Variants in REV3L observed in about 807,000 individuals in gnomAD.
REV3L encodes REV3 like, DNA directed polymerase zeta catalytic subunit.
In REV3L, 69 loss-of-function variants were observed where a neutral mutation model predicts 299.4. That is an observed-to-expected ratio of 0.23 (90% CI 0.19 to 0.28). The LOEUF is 0.28. REV3L is among the 10% of genes least tolerant of loss of function. REV3L has a pLI of 1.00. For synonymous variants in REV3L, 1,238 were observed against 1,271.4 expected (o/e 0.97, Z 0.56); for missense variants, 3,128 against 3,693.8 (o/e 0.85, Z 3.97).
intron 4 of REV3L, among the ~76,000 whole-genome samples, chr6:111,404,647 T>C (rs1783434435): frequency 1.3e-5 from 2 of 152,210 alleles, no homozygotes; most frequent in Admixed American, 1.3e-4. Flanking sequence ...GTAAAAAATC[T>C]GGGATCTCCT....
In REV3L at chr6:111,373,956, T is replaced by C. The variant is rs1395449660; in HGVS notation, c.4399A>G (p.Ile1467Val). 12 of 1,614,144 alleles carry C rather than the reference T, an allele frequency of 7.4e-6. No homozygotes were observed. Among genetic ancestry groups the C allele is most frequent in the Non-Finnish European group, 1.0e-5 (12 of 1,179,990 alleles). ...NCFVTSLRSP[I>V]KQIAWEQKQR... ...TTTTGCTCCCATGCTATTTGTTTGA[T>C]TGGACTTCTCAAGGAAGTTACAAAG... The change falls in exon 13 of 32, where the codon ATC becomes GTC. Residue 1467 changes from isoleucine (I) to valine (V), a missense_variant. Coordinates refer to ENST00000368802, the MANE Select transcript of REV3L (RefSeq NM_001372078.1).
chr6:111,361,112 G>A (rs1471093495), intron 16 of REV3L, among the ~76,000 whole-genome samples: 3 of 151,766 alleles, frequency 2.0e-5, no homozygotes, highest in African/African-American at 2.4e-5. Flanking sequence ...GGCCGGGCAC[G>A]GTGGCTTATG....
chr6:111,317,922 T>C (rs1773706806), intron 26 of REV3L, among the ~76,000 whole-genome samples: 1 of 152,198 alleles, frequency 6.6e-6, no homozygotes, highest in Non-Finnish European at 1.5e-5. Flanking sequence ...AACTGGTTGG[T>C]TTCCATTGTT....
intron 1 of REV3L, among the ~76,000 whole-genome samples, chr6:111,465,174 G>A (rs1352364062): frequency 8.4e-5 from 12 of 143,224 alleles, no homozygotes; most frequent in Non-Finnish European, 1.7e-4. Context: ...TCTGCCTCCC[G>A]GGTTCAAGTG....
intron 11 of REV3L, among the ~76,000 whole-genome samples, chr6:111,378,584 T>C (rs1424133352): frequency 1.3e-5 from 2 of 152,196 alleles, no homozygotes; most frequent in Admixed American, 6.5e-5. Context: ...TTAACGAACC[T>C]GACACAATCT....
intron 1 of REV3L, among the ~76,000 whole-genome samples, chr6:111,479,104 C>T (rs1001272669): frequency 6.6e-6 from 1 of 152,170 alleles, no homozygotes; most frequent in Non-Finnish European, 1.5e-5. Context: ...CTTCCCAAGT[C>T]CACCTCAGTC....
Position 111,365,302 on chromosome 6 carries a change from G to C in REV3L, c.6716C>G (p.Thr2239Ser), listed in dbSNP as rs746987974. ...QKLSNKKGSN[T>S]DTLRRVLLTQ... is the part of the protein sequence containing the mutation. ...TAACAGTACTCTTCTAAGAGTGTCAGTATTACTTCCTTTCTTATTACTCAA... is the reference window on the plus strand; with the variant it reads ...TAACAGTACTCTTCTAAGAGTGTCACTATTACTTCCTTTCTTATTACTCAA... Residue 2239 changes from threonine (T) to serine (S), a missense_variant, in exon 15 of 32, where the codon ACT becomes AGT. Thr to Ser is a moderately conservative substitution (Grantham distance 58, BLOSUM62 1). This residue lies in a region of REV3L where 2,409 missense variants were observed against 2,611.8 expected (regional missense o/e 0.92). Coordinates refer to ENST00000368802, the MANE Select transcript of REV3L (RefSeq NM_001372078.1). 6.4e-7 allele frequency: 1 copy of C among 1,572,684 alleles called. No individual in the cohort carries two copies. The highest frequency in any genetic ancestry group is 1.4e-5 in the African/African-American group (1 of 73,076).
chr6:111,430,573 T>G, intron 1 of REV3L: 1 of 1,565,428 alleles, frequency 6.4e-7, no homozygotes, highest in Non-Finnish European at 8.8e-7. Context: ...ATGGCTGACT[T>G]GCAGAAAACT....
At position 111,427,392 on chromosome 6, in the gene REV3L, G is replaced by A. The variant is rs1476804175; in HGVS notation, c.140-10920C>T. Among the ~76,000 whole-genome samples the A allele has an allele frequency of 3.3e-5, 5 of 152,140 alleles. No individual in the cohort carries two copies. In the East Asian group the frequency reaches 9.7e-4, roughly 29 times the overall value. ...AACTCTTTCAACTCAATAATAAAAA[G>A]ACAATAAAATTTTAAAATGGACAGA... On this transcript the variant is annotated intron_variant, in intron 1 of 31. Transcript: ENST00000368802.
intron 1 of REV3L, among the ~76,000 whole-genome samples, chr6:111,460,042 A>C (rs2128324559): frequency 6.6e-6 from 1 of 152,306 alleles, no homozygotes; most frequent in South Asian, 2.1e-4. Flanking sequence ...AGTAAATGAG[A>C]TAAAGAAAAT....
At chr6:111,399,231 T>A (rs1419273668) in intron 4 of REV3L, among the ~76,000 whole-genome samples, 1 of 152,214 alleles carries the variant, frequency 6.6e-6, no homozygotes, top group Non-Finnish European at 1.5e-5. Context: ...AAATTCTTGG[T>A]TATACTTGAC....
Position 111,376,065 on chromosome 6 carries a change from C to T in REV3L, c.2290G>A (p.Ala764Thr). The T allele has an allele frequency of 6.2e-7, 1 of 1,613,894 alleles. No homozygotes were observed. The highest frequency in any genetic ancestry group is 8.5e-7 in the Non-Finnish European group (1 of 1,179,912). The change falls in exon 13 of 32, where the codon GCT becomes ACT. Residue 764 changes from alanine to threonine, a missense_variant. This residue lies in a region of REV3L where 2,409 missense variants were observed against 2,611.8 expected (regional missense o/e 0.92). Coordinates refer to ENST00000368802, the MANE Select transcript of REV3L (RefSeq NM_001372078.1). ...AGTTTATTTAGTCCACTTTCATCAG[C>T]AGTGCTATTAAGAGAATGCACCATA... ...RTMVHSLNST[A>T]DESGLNKLKI...
At chr6:111,319,870 C>A (rs1016092558) in intron 26 of REV3L, among the ~76,000 whole-genome samples, 3 of 151,692 alleles carry the variant, frequency 2.0e-5, no homozygotes, top group African/African-American at 7.3e-5. Flanking sequence ...GCTCTTGTTG[C>A]CCAGGCTGGA....
At chr6:111,481,757 T>C (rs1357634951) in intron 1 of REV3L, among the ~76,000 whole-genome samples, 1 of 152,142 alleles carries the variant, frequency 6.6e-6, no homozygotes, top group Non-Finnish European at 1.5e-5. Flanking sequence ...GTTCAAAGCA[T>C]GCAAAAAAGC....
chr6:111,451,405 C>A (rs1356267298), intron 1 of REV3L, among the ~76,000 whole-genome samples: 1 of 152,092 alleles, frequency 6.6e-6, no homozygotes, highest in Non-Finnish European at 1.5e-5. Flanking sequence ...CACACAGTAC[C>A]TATGTTCCTA....
intron 21 of REV3L, among the ~76,000 whole-genome samples, chr6:111,338,311 CCTTTTTT>C (rs1776119978): frequency 1.0e-4 from 5 of 49,034 alleles, no homozygotes; most frequent in South Asian, 5.7e-4. Context: ...AGTCTAAAGT[CCTTTTTT>C]TTTTTTTTTT....
chr6:111,427,587 A>T (rs1786333058), intron 1 of REV3L, among the ~76,000 whole-genome samples: 1 of 152,212 alleles, frequency 6.6e-6, no homozygotes, highest in African/African-American at 2.4e-5. Context: ...TGAGCAAAAG[A>T]AAGCAAATTA....
chr6:111,393,894 TG>T (rs777136677), intron 4 of REV3L, among the ~76,000 whole-genome samples: 3 of 152,166 alleles, frequency 2.0e-5, no homozygotes, highest in Non-Finnish European at 4.4e-5. Context: ...TTTCTAGGCC[TG>T]GCTTATTTCA....
chr6:111,361,138 C>T (rs1778611788), intron 16 of REV3L, among the ~76,000 whole-genome samples: 1 of 151,712 alleles, frequency 6.6e-6, no homozygotes, highest in African/African-American at 2.4e-5. Context: ...AATCCCAGCA[C>T]TTTGGGAGGC....
Sources: allele counts gnomAD v4.1 joint callset (sites outside exome capture counted in the v4.1 genomes callset), GRCh38; gene constraint gnomAD v4.1.1; regional missense constraint gnomAD v4.1.1; transcripts MANE v1.5; gene names NCBI Gene and HGNC (gene_info 2026-07-23, HGNC 2026-07-21).